The following MECOM variants were observed in gnomAD, a reference collection of about 807,000 sequenced individuals.
MECOM encodes the protein MDS1 and EVI1 complex locus.
A neutral mutation model predicts 116.3 loss-of-function variants in MECOM; 13 were observed. The ratio of observed to expected loss-of-function variants is 0.11; its 90% CI spans 0.07 to 0.18. MECOM has a LOEUF of 0.18. Ranked by LOEUF, MECOM falls within the 10% of genes least tolerant of loss-of-function variation. The pLI is 1.00. For missense variants in MECOM, 1,299 were observed against 1,509.0 expected, an observed-to-expected ratio of 0.86 and a Z score of 2.31; for synonymous variants, 528 against 535.2, an observed-to-expected ratio of 0.99 and a Z score of 0.19.
chr3:169,501,549 A>T (rs923284196), intron 1 of MECOM, among the ~76,000 whole-genome samples: 53 of 152,214 alleles, frequency 3.5e-4, no homozygotes, highest in Admixed American at 1.2e-3. Context: ...TATTGCTAAT[A>T]AAAAATGTTT....
chr3:169,267,976 C>T (rs1389587515), intron 2 of MECOM, among the ~76,000 whole-genome samples: 1 of 152,062 alleles, frequency 6.6e-6, no homozygotes, highest in Non-Finnish European at 1.5e-5. Context: ...CCCCTGATGG[C>T]CAAGTATAGT....
intron 1 of MECOM, among the ~76,000 whole-genome samples, chr3:169,402,053 G>C (rs949197598): frequency 6.6e-6 from 1 of 152,204 alleles, no homozygotes; most frequent in African/African-American, 2.4e-5. Flanking sequence ...GTCCATGACA[G>C]AAATCATGAG....
At chr3:169,569,016 T>C (rs1763574874) in intron 1 of MECOM, among the ~76,000 whole-genome samples, 1 of 152,040 alleles carries the variant, frequency 6.6e-6, no homozygotes, top group Admixed American at 6.6e-5. Context: ...ATAAACAGGC[T>C]AAATGCCCCA....
At chr3:169,179,739 T>A (rs990266806) in intron 2 of MECOM, among the ~76,000 whole-genome samples, 1 of 152,224 alleles carries the variant, frequency 6.6e-6, no homozygotes, top group Non-Finnish European at 1.5e-5. Flanking sequence ...AAGCCCTTCA[T>A]GAATACCTTG....
At chr3:169,639,611 G>T (rs1234133832) in intron 1 of MECOM, among the ~76,000 whole-genome samples, 5 of 152,020 alleles carry the variant, frequency 3.3e-5, no homozygotes, top group African/African-American at 9.6e-5. Flanking sequence ...GTTTAAATTT[G>T]GTTTTCTTTA....
intron 2 of MECOM, among the ~76,000 whole-genome samples, chr3:169,249,750 T>C (rs552064542): frequency 6.6e-6 from 1 of 152,182 alleles, no homozygotes; most frequent in African/African-American, 2.4e-5. Flanking sequence ...CCCAGTATTA[T>C]GGGCATTTTA....
intron 1 of MECOM, among the ~76,000 whole-genome samples, chr3:169,577,558 T>C (rs1004793054): frequency 2.0e-5 from 3 of 151,840 alleles, no homozygotes; most frequent in Non-Finnish European, 2.9e-5. Context: ...AGATGGATGG[T>C]TAGAAGGTAA....
At chr3:169,237,194 G>A (rs1398268605) in intron 2 of MECOM, among the ~76,000 whole-genome samples, 1 of 152,086 alleles carries the variant, frequency 6.6e-6, no homozygotes, top group Non-Finnish European at 1.5e-5. Context: ...CTAAGATACG[G>A]CAAATTATCA....
chr3:169,498,316 G>A (rs1345376743), intron 1 of MECOM, among the ~76,000 whole-genome samples: 1 of 152,132 alleles, frequency 6.6e-6, no homozygotes. Context: ...GTAAGTACAT[G>A]CCAAAATTGC....
At chr3:169,399,642 C>CT (rs1735559007) in intron 1 of MECOM, among the ~76,000 whole-genome samples, 1 of 152,148 alleles carries the variant, frequency 6.6e-6, no homozygotes, top group African/African-American at 2.4e-5. Flanking sequence ...TGAGCTAAAC[C>CT]TTGTACAACA....
At position 169,131,520 on chromosome 3, in the gene MECOM, T is replaced by G. The variant is rs1734695097; in HGVS notation, c.522A>C (p.Arg174Ser). The change falls in exon 4 of 17, where the codon AGA (arginine) becomes AGC (serine). Residue 174 changes from arginine (R) to serine (S), a missense_variant. By Grantham distance (110) the Arg-to-Ser change is moderately radical (BLOSUM62 -1). Coordinates refer to ENST00000651503, the MANE Select transcript of MECOM (RefSeq NM_004991.4). ...ACQINDQIFY[R>S]VVADIAPGEE... ...CTCCCGGCGCAATGTCTGCAACTAC[T>G]CTATAGAATATCTTTAAAGACAAAA... The G allele has an allele frequency of 6.2e-7, 1 of 1,612,266 alleles. No homozygotes were observed. The highest frequency in any genetic ancestry group is 1.3e-5 in the African/African-American group (1 of 74,844).
At chr3:169,643,368 A>C (rs1200091199) in intron 1 of MECOM, among the ~76,000 whole-genome samples, 1 of 152,190 alleles carries the variant, frequency 6.6e-6, no homozygotes, top group Non-Finnish European at 1.5e-5. Flanking sequence ...AGTTATTAGC[A>C]CTGTGTTTTC....
Position 169,143,818 on chromosome 3 carries a change from A to T in MECOM, c.390T>A (p.Phe130Leu). 6.2e-7 allele frequency: 1 copy of T among 1,605,716 alleles called. No homozygotes were observed. Among genetic ancestry groups the T allele is most frequent in the African/African-American group, 1.3e-5 (1 of 74,696 alleles). The change falls in exon 3 of 17, where the codon TTT becomes TTA. Residue 130 changes from phenylalanine (F) to leucine (L), a missense_variant. Physicochemically the swap from Phe to Leu is conservative, Grantham distance 22. This residue lies in a region of MECOM where 374 missense variants were observed against 433.4 expected (regional missense o/e 0.86). Coordinates refer to ENST00000651503, the MANE Select transcript of MECOM (RefSeq NM_004991.4). ...PSYGWEILDE[F>L]YNVKFCIDAS... is the part of the protein sequence containing the mutation. ...CATCTATGCAGAACTTCACATTGTA[A>T]AATTCGTCTAAGATCTGGAGGGAAG...
At chr3:169,100,787 CT>C in intron 12 of MECOM, 97 bp downstream of exon 12, 1 of 674,814 alleles carries the variant, frequency 1.5e-6, no homozygotes, top group Non-Finnish European at 2.0e-6. Flanking sequence ...AAAATTTAAA[CT>C]TTAATTATTA....
chr3:169,125,303 G>A (rs1732460817), intron 5 of MECOM, among the ~76,000 whole-genome samples: 1 of 152,002 alleles, frequency 6.6e-6, no homozygotes, highest in Admixed American at 6.6e-5. Flanking sequence ...AATGAGTCAG[G>A]GACATCCTCC....
At chr3:169,654,842 A>ACACG (rs71166259) in intron 1 of MECOM, among the ~76,000 whole-genome samples, 2 of 151,844 alleles carry the variant, frequency 1.3e-5, no homozygotes, top group Admixed American at 6.6e-5. Context: ...ACACACACAC[A>ACACG]TATTAACTTG....
At chr3:169,564,606 T>G (rs896252977) in intron 1 of MECOM, among the ~76,000 whole-genome samples, 1 of 152,204 alleles carries the variant, frequency 6.6e-6, no homozygotes. Context: ...CAAAAAATAC[T>G]TTAGCAAGAG....
At position 169,499,346 on chromosome 3, in the gene MECOM, C is replaced by CAAAAAAAAAA. The variant is rs60302997; in HGVS notation, c.38-117832_38-117823dup. 7.8e-5 allele frequency among the ~76,000 whole-genome samples: 4 copies of CAAAAAAAAAA among 51,568 alleles called. 1 individual carries two copies. Among genetic ancestry groups the CAAAAAAAAAA allele is most frequent in the East Asian group, 3.7e-4 (1 of 2,730 alleles). The allele number at this position is 51,568 out of a possible 152,430, so 33.8% of individuals were successfully genotyped here. A position where few individuals can be genotyped will look rare whatever the true frequency, so the allele number is the denominator to read the frequency against. On this transcript the variant is annotated intron_variant, in intron 1 of 16. Coordinates refer to ENST00000651503, the MANE Select transcript of MECOM (RefSeq NM_004991.4). ...GCAGAGAGAAAAGACAGATTACCCA[C>CAAAAAAAAAA]AAAAAAAAAAAAAAAAAAAAAAAAA...
intron 2 of MECOM, among the ~76,000 whole-genome samples, chr3:169,283,298 T>C (rs1712537291): frequency 6.6e-6 from 1 of 152,054 alleles, no homozygotes; most frequent in Admixed American, 6.6e-5. Context: ...AGCCCAGGGC[T>C]TCAAGACCAG....
Sources: allele counts gnomAD v4.1 joint callset (sites outside exome capture counted in the v4.1 genomes callset), GRCh38; gene constraint gnomAD v4.1.1; regional missense constraint gnomAD v4.1.1; transcripts MANE v1.5; gene names NCBI Gene and HGNC (gene_info 2026-07-23, HGNC 2026-07-21).